SND1: variants seen among roughly 807,000 people sequenced by gnomAD.
SND1 encodes the protein staphylococcal nuclease and tudor domain containing 1.
A neutral mutation model predicts 121.7 loss-of-function variants in SND1; 38 were observed. The ratio of observed to expected loss-of-function variants is 0.31; its 90% CI spans 0.24 to 0.41. SND1 has a LOEUF of 0.41. Ranked by LOEUF, SND1 falls within the 10% of genes least tolerant of loss-of-function variation. The pLI, the probability that SND1 is intolerant of heterozygous loss-of-function variation, is 1.00. For synonymous variants in SND1, 401 were observed against 447.4 expected, an observed-to-expected ratio of 0.90 and a Z score of 1.31; for missense variants, 868 against 1,184.6, an observed-to-expected ratio of 0.73 and a Z score of 3.92.
intron 10 of SND1, among the ~76,000 whole-genome samples, chr7:127,789,073 T>TG (rs1455111774): frequency 6.6e-6 from 1 of 152,230 alleles, no homozygotes; most frequent in Non-Finnish European, 1.5e-5. Flanking sequence ...AAATGTAGTT[T>TG]TACCCTGAAA....
chr7:127,956,243 C>T (rs1008850875), intron 15 of SND1, among the ~76,000 whole-genome samples: 2 of 152,134 alleles, frequency 1.3e-5, no homozygotes, highest in South Asian at 2.1e-4. Flanking sequence ...TGATCTCCTG[C>T]GAAGTCTCTG....
At chr7:127,894,746 A>G (rs2116744717) in intron 13 of SND1, among the ~76,000 whole-genome samples, 1 of 152,142 alleles carries the variant, frequency 6.6e-6, no homozygotes, top group East Asian at 1.9e-4. Context: ...TCTGTCAGAA[A>G]CAGTGGTCAA....
At chr7:127,949,771 G>C (rs1040208591) in intron 15 of SND1, among the ~76,000 whole-genome samples, 1 of 152,206 alleles carries the variant, frequency 6.6e-6, no homozygotes, top group Non-Finnish European at 1.5e-5. Context: ...ATGTGGGTTA[G>C]ATCCTCTGAA....
intron 15 of SND1, among the ~76,000 whole-genome samples, chr7:127,941,369 A>G (rs2116839493): frequency 6.6e-6 from 1 of 152,114 alleles, no homozygotes; most frequent in East Asian, 1.9e-4. Context: ...TTTTTCCTTA[A>G]TATACTTATT....
At chr7:128,013,693 CATGT>C (rs1470558652) in intron 16 of SND1, among the ~76,000 whole-genome samples, 1 of 152,194 alleles carries the variant, frequency 6.6e-6, no homozygotes, top group Non-Finnish European at 1.5e-5. Flanking sequence ...AGATCCCTCG[CATGT>C]GCAGTTCACT....
intron 16 of SND1, among the ~76,000 whole-genome samples, chr7:128,069,151 C>G (rs193286828): frequency 6.6e-6 from 1 of 152,188 alleles, no homozygotes; most frequent in Non-Finnish European, 1.5e-5. Flanking sequence ...TACCTTCACT[C>G]GGTATTTCAT....
intron 13 of SND1, among the ~76,000 whole-genome samples, chr7:127,903,758 A>G (rs569913284): frequency 6.6e-6 from 1 of 152,276 alleles, no homozygotes; most frequent in South Asian, 2.1e-4. Context: ...TGAGTTCCTG[A>G]AAGGGAAGAG....
chr7:127,726,949 G>C (rs1796592056), intron 10 of SND1, among the ~76,000 whole-genome samples: 3 of 152,122 alleles, frequency 2.0e-5, no homozygotes, highest in African/African-American at 7.2e-5. Context: ...CCCACTGCCA[G>C]CGCTCCCACT....
At chr7:127,796,095 G>A (rs1489566674) in intron 10 of SND1, among the ~76,000 whole-genome samples, 1 of 151,620 alleles carries the variant, frequency 6.6e-6, no homozygotes, top group African/African-American at 2.4e-5. Flanking sequence ...CTGACCTTGT[G>A]ATCCGCCCTC....
At chr7:128,057,787 A>G (rs1369037329) in intron 16 of SND1, among the ~76,000 whole-genome samples, 1 of 152,216 alleles carries the variant, frequency 6.6e-6, no homozygotes, top group East Asian at 1.9e-4. Context: ...AGCCAGGGAG[A>G]TAGATCTCTA....
intron 12 of SND1, among the ~76,000 whole-genome samples, chr7:127,848,844 T>A (rs1317818391): frequency 1.3e-5 from 2 of 152,160 alleles, no homozygotes; most frequent in South Asian, 2.1e-4. Context: ...AGTCTAATCC[T>A]TTTTTCCTCT....
chr7:127,944,937 T>G (rs1801294382), intron 15 of SND1, among the ~76,000 whole-genome samples: 1 of 152,218 alleles, frequency 6.6e-6, no homozygotes, highest in South Asian at 2.1e-4. Context: ...GCCATCTTCC[T>G]AGAGATTACA....
chr7:127,868,098 A>G (rs1799512746), intron 12 of SND1, among the ~76,000 whole-genome samples: 1 of 152,116 alleles, frequency 6.6e-6, no homozygotes, highest in Non-Finnish European at 1.5e-5. Flanking sequence ...ACTTATAATA[A>G]GACTCATAGT....
In SND1 at chr7:128,085,669, C is replaced by T. The variant is rs766542904; in HGVS notation, c.2235-42C>T. Reference sequence around the variant, plus strand: ...GCTGAGGCTCTGGGAGCCCAGAGTCCTCAGGGCTGTCTCTTGAGCTCTGCC... The same window carrying T: ...GCTGAGGCTCTGGGAGCCCAGAGTCTTCAGGGCTGTCTCTTGAGCTCTGCC... On this transcript the variant is annotated intron_variant, in intron 19 of 23. Transcript: ENST00000354725. The surrounding 1 kb of genome is among the most constrained non-coding windows in gnomAD (Gnocchi z 4.4). The T allele has an allele frequency of 6.3e-7, 1 of 1,596,392 alleles. No individual in the cohort carries two copies. The highest frequency in any genetic ancestry group is 1.7e-5 in the Admixed American group (1 of 59,904).
At chr7:128,041,214 C>T (rs1055867677) in intron 16 of SND1, among the ~76,000 whole-genome samples, 3 of 152,130 alleles carry the variant, frequency 2.0e-5, no homozygotes, top group East Asian at 1.9e-4. Flanking sequence ...GATGCAGGAT[C>T]GCTTAAGCCC....
chr7:128,012,799 GTTC>G (rs1356774708), intron 16 of SND1, among the ~76,000 whole-genome samples: 4 of 152,126 alleles, frequency 2.6e-5, no homozygotes, highest in Non-Finnish European at 5.9e-5. Context: ...TAGGCTGCTA[GTTC>G]TTCTTTCTTG....
intron 9 of SND1, among the ~76,000 whole-genome samples, chr7:127,710,448 A>G (rs1307995240): frequency 3.2e-5 from 2 of 63,426 alleles, no homozygotes; most frequent in African/African-American, 8.6e-5. Flanking sequence ...AGCTTACTAC[A>G]AAAAAAAAAA....
At chr7:127,667,710 A>G (rs749868420) in intron 1 of SND1, among the ~76,000 whole-genome samples, 6 of 152,244 alleles carry the variant, frequency 3.9e-5, no homozygotes, top group Non-Finnish European at 7.3e-5. Context: ...TGAGTCCATC[A>G]TTGTTTGGTA....
intron 1 of SND1, among the ~76,000 whole-genome samples, chr7:127,657,534 C>A (rs1056371550): frequency 6.6e-6 from 1 of 152,126 alleles, no homozygotes; most frequent in Non-Finnish European, 1.5e-5. Flanking sequence ...CACTTAGTTG[C>A]CAGGCTGGAA....
Sources: gnomAD v4.1 joint callset for allele counts (sites outside exome capture counted in the v4.1 genomes callset) on GRCh38, gnomAD v4.1.1 for gene constraint, Gnocchi (gnomAD v3.1) non-coding constraint, MANE v1.5 for transcripts, NCBI Gene and HGNC (gene_info 2026-07-23, HGNC 2026-07-21) for gene names.